GPC6: variants seen among roughly 807,000 people sequenced by gnomAD.
The protein encoded by GPC6 is glypican-6.
Under a neutral mutation model 55.2 loss-of-function variants are expected in GPC6, and 14 were observed. That is an observed-to-expected ratio of 0.25 (90% CI 0.17 to 0.40). The LOEUF is 0.40. GPC6 is among the 10% of genes least tolerant of loss of function. The pLI is 1.00. For missense variants in GPC6, 641 were observed against 708.5 expected (o/e 0.90, Z 1.08); for synonymous variants, 278 against 259.6 (o/e 1.07, Z -0.68).
chr13:94,074,479 A>C (rs892902349), intron 4 of GPC6, among the ~76,000 whole-genome samples: 9 of 152,214 alleles, frequency 5.9e-5, no homozygotes, highest in African/African-American at 1.7e-4. Flanking sequence ...CCTCCCCTTC[A>C]GGATGCCTCT....
intron 1 of GPC6, among the ~76,000 whole-genome samples, chr13:93,536,459 C>T (rs945038388): frequency 1.3e-5 from 2 of 152,120 alleles, no homozygotes; most frequent in Non-Finnish European, 1.5e-5. Context: ...TCGACTACTT[C>T]GGGCACCTCA....
chr13:93,614,780 C>G (rs185329853), intron 2 of GPC6, among the ~76,000 whole-genome samples: 1 of 152,120 alleles, frequency 6.6e-6, no homozygotes, highest in African/African-American at 2.4e-5. Context: ...ATACACCATT[C>G]AAGCATAACA....
At chr13:93,431,031 CA>C (rs11292607) in intron 1 of GPC6, among the ~76,000 whole-genome samples, 5,298 of 152,086 alleles carry the variant, frequency 0.035, 310 homozygotes, top group African/African-American at 0.12. Flanking sequence ...GTTTGGAGAA[CA>C]ATATTATTTA....
At chr13:94,268,994 T>A (rs756004037) in intron 4 of GPC6, among the ~76,000 whole-genome samples, 2 of 152,214 alleles carry the variant, frequency 1.3e-5, no homozygotes, top group Non-Finnish European at 2.9e-5. Flanking sequence ...TCCAATTCTG[T>A]TCTCAGTACA....
At chr13:94,255,692 G>A (rs1245876453) in intron 4 of GPC6, among the ~76,000 whole-genome samples, 1 of 152,152 alleles carries the variant, frequency 6.6e-6, no homozygotes, top group Non-Finnish European at 1.5e-5. Context: ...CAGCAGTGGA[G>A]CAGAAAGGTC....
intron 4 of GPC6, among the ~76,000 whole-genome samples, chr13:94,136,977 A>G (rs1887205871): frequency 1.3e-5 from 2 of 152,212 alleles, no homozygotes; most frequent in Admixed American, 1.3e-4. Context: ...AGGAGTTTAC[A>G]TCAGTAAGAC....
intron 2 of GPC6, among the ~76,000 whole-genome samples, chr13:93,600,723 G>A (rs1023026468): frequency 6.6e-6 from 1 of 151,090 alleles, no homozygotes; most frequent in Non-Finnish European, 1.5e-5. Flanking sequence ...AGGCTGAGGC[G>A]GGTGGATCAC....
chr13:93,855,542 C>A (rs1024496986), intron 3 of GPC6, among the ~76,000 whole-genome samples: 2 of 151,532 alleles, frequency 1.3e-5, no homozygotes, highest in African/African-American at 2.4e-5. Context: ...TGGGAAAATA[C>A]CAAGGAGCAA....
At chr13:93,231,318 T>TATATATATATACATATATATATATATAC (rs1485133629) in intron 1 of GPC6, among the ~76,000 whole-genome samples, 11 of 59,532 alleles carry the variant, frequency 1.8e-4, no homozygotes, top group South Asian at 5.0e-4. Context: ...TCATTTCATA[T>TATATATATATACATATATATATATATAC]ATATATATAT....
At chr13:93,413,923 T>C (rs2139248694) in intron 1 of GPC6, among the ~76,000 whole-genome samples, 1 of 152,320 alleles carries the variant, frequency 6.6e-6, no homozygotes, top group African/African-American at 2.4e-5. Context: ...TTAGTTTAGG[T>C]TTCATTCTTA....
chr13:94,188,863 A>C (rs1056083990), intron 4 of GPC6, among the ~76,000 whole-genome samples: 1 of 152,168 alleles, frequency 6.6e-6, no homozygotes, highest in Non-Finnish European at 1.5e-5. Context: ...AAAGTCTCAC[A>C]ATCTGGTCAG....
intron 1 of GPC6, among the ~76,000 whole-genome samples, chr13:93,296,392 A>G: frequency 6.6e-6 from 1 of 152,120 alleles, no homozygotes; most frequent in East Asian, 1.9e-4. Flanking sequence ...ACCTTAATTT[A>G]TCTTCTTTTA....
At chr13:94,257,862 G>A (rs1051303686) in intron 4 of GPC6, among the ~76,000 whole-genome samples, 1 of 152,134 alleles carries the variant, frequency 6.6e-6, no homozygotes, top group Admixed American at 6.6e-5. Context: ...ACAAGAGACA[G>A]ACAACAAAGA....
intron 2 of GPC6, among the ~76,000 whole-genome samples, chr13:93,651,143 G>C (rs995453277): frequency 6.6e-6 from 1 of 152,036 alleles, no homozygotes; most frequent in East Asian, 1.9e-4. Context: ...AAAGCAGCAG[G>C]ACATTCAGAT....
chr13:93,856,621 G>C (rs952776388), intron 3 of GPC6, among the ~76,000 whole-genome samples: 39 of 151,742 alleles, frequency 2.6e-4, no homozygotes, highest in Non-Finnish European at 4.9e-4. Flanking sequence ...GAAGAACCTA[G>C]ATATCCTGAT....
At chr13:94,104,590 C>G (rs1240580832) in intron 4 of GPC6, among the ~76,000 whole-genome samples, 2 of 152,142 alleles carry the variant, frequency 1.3e-5, no homozygotes, top group African/African-American at 4.8e-5. Flanking sequence ...AGCCCAAAAT[C>G]TTAAGCTGAT....
At chr13:93,386,617 A>G (rs1280726209) in intron 1 of GPC6, among the ~76,000 whole-genome samples, 3 of 152,240 alleles carry the variant, frequency 2.0e-5, no homozygotes, top group Admixed American at 6.5e-5. Flanking sequence ...TGTGGCTGGT[A>G]GAAGTCATCA....
chr13:94,000,156 C>T (rs1043940332), intron 3 of GPC6, among the ~76,000 whole-genome samples: 1 of 152,290 alleles, frequency 6.6e-6, no homozygotes, highest in African/African-American at 2.4e-5. Flanking sequence ...GTGGCTCCTA[C>T]TCACTCTTCC....
At chr13:94,248,687 G>A (rs1258627274) in intron 4 of GPC6, among the ~76,000 whole-genome samples, 1 of 151,782 alleles carries the variant, frequency 6.6e-6, no homozygotes, top group Non-Finnish European at 1.5e-5. Context: ...GAGAGAGAGA[G>A]AGAGAGAGAG....
Sources: allele counts gnomAD v4.1 joint callset (sites outside exome capture counted in the v4.1 genomes callset), GRCh38; gene constraint gnomAD v4.1.1; transcripts MANE v1.5; gene names NCBI Gene and HGNC (gene_info 2026-07-23, HGNC 2026-07-21).